Variants in OR2L13 observed in about 807,000 individuals in gnomAD.
OR2L13 encodes the protein olfactory receptor family 2 subfamily L member 13.
A neutral mutation model predicts 15.3 loss-of-function variants in OR2L13; 14 were observed. The ratio of observed to expected loss-of-function variants is 0.91; its 90% CI spans 0.60 to 1.43. The LOEUF (loss-of-function observed/expected upper bound fraction) is 1.43, where lower values mean the gene tolerates loss of function less well. Ranked by LOEUF, OR2L13 falls within the 40% of genes most tolerant of loss-of-function variation. OR2L13 has a pLI of 0.00. For synonymous variants in OR2L13, 152 were observed against 142.9 expected, an observed-to-expected ratio of 1.06 and a Z score of -0.45; for missense variants, 367 against 387.9, an observed-to-expected ratio of 0.95 and a Z score of 0.45.
the OR2L13 span, among the ~76,000 whole-genome samples, chr1:247,983,942 G>A: frequency 6.6e-6 from 1 of 152,156 alleles, no homozygotes; most frequent in Admixed American, 6.5e-5. Context: ...GACATGCAGG[G>A]AGTGAGGAGA....
At chr1:248,048,915 C>T in the OR2L13 span, among the ~76,000 whole-genome samples, 1 of 135,758 alleles carries the variant, frequency 7.4e-6, no homozygotes, top group East Asian at 2.1e-4. Context: ...CTTTCCTTTT[C>T]TCTCTCTCTT....
the OR2L13 span, chr1:248,004,145 C>A: frequency 2.4e-6 from 3 of 1,246,072 alleles, no homozygotes; most frequent in Non-Finnish European, 3.3e-6. Flanking sequence ...AATATCATTT[C>A]ATTCCTAGAG....
At chr1:248,058,551 G>A in the OR2L13 span, among the ~76,000 whole-genome samples, 6 of 151,818 alleles carry the variant, frequency 4.0e-5, no homozygotes, top group African/African-American at 1.2e-4. Flanking sequence ...TATATCTTCT[G>A]ATATTTATTA....
At chr1:248,036,705 G>T in the OR2L13 span, among the ~76,000 whole-genome samples, 1 of 152,088 alleles carries the variant, frequency 6.6e-6, no homozygotes, top group Non-Finnish European at 1.5e-5. Context: ...CTTCTATCTG[G>T]AGAAGAATAC....
At chr1:247,994,955 A>T in the OR2L13 span, among the ~76,000 whole-genome samples, 2 of 152,176 alleles carry the variant, frequency 1.3e-5, no homozygotes, top group Non-Finnish European at 1.5e-5. Context: ...TATTTTGATG[A>T]TCTCACTTTC....
chr1:247,986,519 G>T, the OR2L13 span, among the ~76,000 whole-genome samples: 4 of 152,150 alleles, frequency 2.6e-5, no homozygotes, highest in African/African-American at 9.7e-5. Flanking sequence ...CTGTAGCCTT[G>T]TAGTATAGTT....
chr1:248,068,910 G>A, the OR2L13 span, among the ~76,000 whole-genome samples: 2 of 152,108 alleles, frequency 1.3e-5, no homozygotes, highest in Admixed American at 6.5e-5. Flanking sequence ...GAAGTGAGAA[G>A]GGAAGTTTAG....
chr1:247,984,096 T>C, the OR2L13 span, among the ~76,000 whole-genome samples: 1 of 152,106 alleles, frequency 6.6e-6, no homozygotes, highest in East Asian at 1.9e-4. Flanking sequence ...CAAGGTTCCG[T>C]CTCTAGAACT....
the OR2L13 span, among the ~76,000 whole-genome samples, chr1:247,995,642 A>G: frequency 7.4e-3 from 1,131 of 152,302 alleles, 5 homozygotes; most frequent in African/African-American, 0.026. Context: ...ACATATGTCT[A>G]TTTATGAAGA....
chr1:247,992,194 G>A, the OR2L13 span, among the ~76,000 whole-genome samples: 6,580 of 140,148 alleles, frequency 0.047, 904 homozygotes, highest in African/African-American at 0.17. Context: ...TAGTAAATAT[G>A]TTTTCTCTTT....
At chr1:247,944,682 C>A in the OR2L13 span, among the ~76,000 whole-genome samples, 2 of 152,128 alleles carry the variant, frequency 1.3e-5, no homozygotes, top group African/African-American at 2.4e-5. Flanking sequence ...TGTATACGTA[C>A]CACAATTTCT....
the OR2L13 span, among the ~76,000 whole-genome samples, chr1:247,969,847 A>G: frequency 2.6e-5 from 4 of 152,168 alleles, no homozygotes; most frequent in Non-Finnish European, 4.4e-5. Flanking sequence ...GAGCCATGGA[A>G]TACTAGGAAC....
the OR2L13 span, among the ~76,000 whole-genome samples, chr1:247,979,974 G>T: frequency 2.6e-5 from 4 of 151,940 alleles, no homozygotes; most frequent in African/African-American, 7.3e-5. Context: ...ACATCAAATT[G>T]TAACCCATAA....
the OR2L13 span, among the ~76,000 whole-genome samples, chr1:247,993,183 G>A: frequency 1.3e-5 from 2 of 152,016 alleles, no homozygotes; most frequent in South Asian, 4.1e-4. Flanking sequence ...TCACAGATGT[G>A]TCTGTTCGTT....
chr1:247,984,229 CATTATT>C, the OR2L13 span, among the ~76,000 whole-genome samples: 20 of 148,506 alleles, frequency 1.3e-4, no homozygotes, highest in Admixed American at 2.7e-4. Flanking sequence ...GAAAATAAGT[CATTATT>C]ATTATTATTA....
At chr1:248,010,439 G>C in the OR2L13 span, among the ~76,000 whole-genome samples, 2 of 152,100 alleles carry the variant, frequency 1.3e-5, no homozygotes, top group Non-Finnish European at 2.9e-5. Context: ...TTTCTATTAG[G>C]TTGGCTTGGT....
the OR2L13 span, among the ~76,000 whole-genome samples, chr1:247,986,544 G>A: frequency 6.6e-6 from 1 of 152,138 alleles, no homozygotes; most frequent in Non-Finnish European, 1.5e-5. Flanking sequence ...GTCAGGTAGT[G>A]TGATGCCTCC....
chr1:248,038,041 TA>T, the OR2L13 span: 1 of 414,872 alleles, frequency 2.4e-6, no homozygotes, highest in Non-Finnish European at 4.3e-6. Flanking sequence ...GTAATTGTTC[TA>T]TTTTATTTGT....
chr1:248,083,473 A>C, the OR2L13 span: 2 of 634,766 alleles, frequency 3.2e-6, no homozygotes. Flanking sequence ...AATGCTCAAA[A>C]ATGGTATCTC....
Sources: allele counts gnomAD v4.1 joint callset (sites outside exome capture counted in the v4.1 genomes callset), GRCh38; gene constraint gnomAD v4.1.1; transcripts MANE v1.5; gene names NCBI Gene and HGNC (gene_info 2026-07-23, HGNC 2026-07-21).